Variants in IFT122 observed in about 807,000 individuals in gnomAD.
The protein encoded by IFT122 is intraflagellar transport protein 122 homolog.
Under a neutral mutation model 161.6 loss-of-function variants are expected in IFT122, and 118 were observed. The observed-to-expected ratio is 0.73, with a 90% CI of 0.63 to 0.85. The LOEUF is 0.85. Among genes scored for constraint, IFT122 ranks in the 40% least tolerant of loss-of-function variants. The pLI, the probability that IFT122 is intolerant of heterozygous loss-of-function variation, is 0.00. For synonymous variants in IFT122, 550 were observed against 602.4 expected (o/e 0.91, Z 1.27); for missense variants, 1,381 against 1,579.6 (o/e 0.87, Z 2.13).
chr3:129,491,253 G>A (rs1479179781), intron 16 of IFT122, among the ~76,000 whole-genome samples: 1 of 152,222 alleles, frequency 6.6e-6, no homozygotes, highest in Non-Finnish European at 1.5e-5. Flanking sequence ...GCTGCAAGTG[G>A]TCAGGATTGC....
intron 12 of IFT122, 124 bp downstream of exon 12, chr3:129,478,342 A>T: frequency 1.3e-6 from 1 of 786,130 alleles, no homozygotes; most frequent in African/African-American, 1.7e-5. Flanking sequence ...CATCAAACTA[A>T]GTGGTGCTTA....
At chr3:129,460,263 C>T (rs1038012096) in intron 4 of IFT122, among the ~76,000 whole-genome samples, 1 of 152,164 alleles carries the variant, frequency 6.6e-6, no homozygotes, top group African/African-American at 2.4e-5. Flanking sequence ...TACTTTCTGT[C>T]TCTCTGAGTT....
chr3:129,502,154 G>A (rs1228482292), intron 19 of IFT122, among the ~76,000 whole-genome samples: 2 of 152,306 alleles, frequency 1.3e-5, no homozygotes, highest in South Asian at 2.1e-4. Context: ...CTTCCTGCAG[G>A]CCTTTGTCCA....
chr3:129,478,678 C>T (rs1480713820), intron 12 of IFT122, among the ~76,000 whole-genome samples: 2 of 152,076 alleles, frequency 1.3e-5, no homozygotes, highest in Non-Finnish European at 2.9e-5. Flanking sequence ...ATGCTTGAAC[C>T]CAGGAGTTTG....
At chr3:129,475,579 G>A (rs1054579707) in intron 9 of IFT122, among the ~76,000 whole-genome samples, 3 of 152,226 alleles carry the variant, frequency 2.0e-5, no homozygotes, top group Non-Finnish European at 4.4e-5. Context: ...GTGAAGCTGG[G>A]AAGTGGAGGT....
intron 26 of IFT122, among the ~76,000 whole-genome samples, chr3:129,516,694 G>GCACACACACACACACA (rs771398986): frequency 4.0e-5 from 2 of 50,184 alleles, no homozygotes; most frequent in African/African-American, 2.2e-4. Flanking sequence ...GATTGCTCCT[G>GCACACACACACACACA]CACACACACA....
At chr3:129,506,245 G>A (rs1235548133) in intron 21 of IFT122, among the ~76,000 whole-genome samples, 164 bp from the exon 22 acceptor site, 1 of 152,164 alleles carries the variant, frequency 6.6e-6, no homozygotes, top group Non-Finnish European at 1.5e-5. Context: ...ATGTAGCCTT[G>A]GTTATTTAGA....
Position 129,463,641 on chromosome 3 carries a change from G to A in IFT122, c.416+15G>A. 1 of 1,599,178 alleles carries A rather than the reference G, an allele frequency of 6.3e-7. No homozygotes were observed. The highest frequency in any genetic ancestry group is 8.6e-7 in the Non-Finnish European group (1 of 1,166,752). On this transcript the variant is annotated intron_variant, in intron 6 of 29. Transcript: ENST00000348417. ...ATCTGCTGCAGGTAAGTGCAGCTCT[G>A]ACGATAAGATTTATGTTCCTTCATC... is the stretch of plus-strand genomic sequence containing the variant.
chr3:129,464,883 T>G, intron 7 of IFT122, 102 bp downstream of exon 7: 1 of 1,306,366 alleles, frequency 7.7e-7, no homozygotes. Context: ...TCACCTCACT[T>G]GAATGGTCTG....
At chr3:129,511,027 G>A (rs1272349008) in intron 23 of IFT122, among the ~76,000 whole-genome samples, 2 of 152,196 alleles carry the variant, frequency 1.3e-5, no homozygotes, top group Non-Finnish European at 2.9e-5. Flanking sequence ...AAGGGTGTTT[G>A]TGGCAAAGGT....
intron 9 of IFT122, among the ~76,000 whole-genome samples, chr3:129,472,770 A>G (rs1463081892): frequency 1.3e-5 from 2 of 152,034 alleles, no homozygotes; most frequent in East Asian, 3.9e-4. Flanking sequence ...ATTTTTTTAA[A>G]TCCCTTCTTT....
intron 9 of IFT122, among the ~76,000 whole-genome samples, chr3:129,472,664 T>G (rs938490497): frequency 1.3e-5 from 2 of 152,190 alleles, no homozygotes; most frequent in African/African-American, 4.8e-5. Context: ...CTTGAAATAT[T>G]TCTTCTTCTC....
At chr3:129,517,060 C>G (rs35761445) in intron 26 of IFT122, among the ~76,000 whole-genome samples, 28,077 of 115,828 alleles carry the variant, frequency 0.24, 7,947 homozygotes, top group African/African-American at 0.72. Context: ...CACACACACA[C>G]AGACTGCCCC....
At chr3:129,485,584 C>G (rs963084427) in intron 15 of IFT122, among the ~76,000 whole-genome samples, 2 of 152,236 alleles carry the variant, frequency 1.3e-5, no homozygotes, top group African/African-American at 4.8e-5. Flanking sequence ...AACCCACGCA[C>G]CACATCCACC....
Position 129,499,005 on chromosome 3 carries a change from A to T in IFT122, c.2209-897A>T, listed in dbSNP as rs71255453. ...CCAGCCCAGAGAAGCTGGGCATACCACTTCAGAGGTATGCTGAGGCCGAAG... is the reference window on the plus strand; with the variant it reads ...CCAGCCCAGAGAAGCTGGGCATACCTCTTCAGAGGTATGCTGAGGCCGAAG... On this transcript the variant is annotated intron_variant, in intron 18 of 29. Coordinates refer to ENST00000348417, the MANE Select transcript of IFT122 (RefSeq NM_052989.3). 4.6e-5 allele frequency among the ~76,000 whole-genome samples: 7 copies of T among 152,306 alleles called. No individual in the cohort carries two copies. The South Asian group carries it at 1.2e-3, about 27-fold the overall frequency.
At position 129,478,182 on chromosome 3, in the gene IFT122, C is replaced by A. The variant is rs909018249; in HGVS notation, c.1314C>A (p.Leu438=). Residue 438 remains leucine, a synonymous_variant, in exon 12 of 30, where the codon CTC becomes CTA. Transcript: ENST00000348417. The part of the protein sequence containing the change: ...EKIIKKFECN[L]LVVCANHIIL... The stretch of plus-strand genomic sequence containing the variant: ...TTATCAAGAAGTTTGAGTGCAACCT[C>A]CTGGTGGTGTGTGCCAATCACATCA... 1 of 1,614,070 alleles carries A rather than the reference C, an allele frequency of 6.2e-7. No homozygotes were observed. The highest frequency in any genetic ancestry group is 1.3e-5 in the African/African-American group (1 of 74,932).
intron 16 of IFT122, among the ~76,000 whole-genome samples, chr3:129,489,683 CA>C (rs1328658074): frequency 6.6e-6 from 1 of 151,796 alleles, no homozygotes; most frequent in Admixed American, 6.6e-5. Context: ...ACTAAAAATA[CA>C]AAAAATTAGC....
At chr3:129,473,751 A>G (rs1175661506) in intron 9 of IFT122, among the ~76,000 whole-genome samples, 1 of 152,194 alleles carries the variant, frequency 6.6e-6, no homozygotes, top group Non-Finnish European at 1.5e-5. Context: ...CCCAAATTCT[A>G]TACTCACCCA....
rs138793724 is a variant in IFT122, at chr3:129,461,276, A to G, written c.321A>G (p.Gln107=). Residue 107 remains glutamine, a synonymous_variant, in exon 5 of 30, where the codon CAA becomes CAG. Coordinates refer to ENST00000348417, the MANE Select transcript of IFT122 (RefSeq NM_052989.3). Reference sequence around the variant, plus strand: ...TCTCCTACAATCCTATTACTCATCAACTGGCATCTTGTTCCTCCAGTGACT... The same window carrying G: ...TCTCCTACAATCCTATTACTCATCAGCTGGCATCTTGTTCCTCCAGTGACT... ...QCVSYNPITH[Q]LASCSSSDFG... The G allele has an allele frequency of 5.2e-3, 8,330 of 1,613,526 alleles. 36 individuals carry two copies. The highest frequency in any genetic ancestry group is 6.3e-3 in the Non-Finnish European group (7,489 of 1,179,398).
Sources: gnomAD v4.1 joint callset for allele counts (sites outside exome capture counted in the v4.1 genomes callset) on GRCh38, gnomAD v4.1.1 for gene constraint, MANE v1.5 for transcripts, NCBI Gene and HGNC (gene_info 2026-07-23, HGNC 2026-07-21) for gene names.